Variants in SYTL4 observed in about 807,000 individuals in gnomAD.
SYTL4 encodes synaptotagmin like 4.
SYTL4 carries 16 observed loss-of-function variants against 52.7 expected under a neutral mutation model. The ratio of observed to expected loss-of-function variants is 0.30; its 90% CI spans 0.21 to 0.46. The LOEUF is 0.46. SYTL4 is among the 20% of genes least tolerant of loss of function. The pLI, the probability that SYTL4 is intolerant of heterozygous loss-of-function variation, is 1.00. For synonymous variants in SYTL4, 160 were observed against 186.6 expected, an observed-to-expected ratio of 0.86 and a Z score of 1.16; for missense variants, 423 against 519.9, an observed-to-expected ratio of 0.81 and a Z score of 1.81.
At chrX:100,721,354 T>A (rs1469266477) in intron 2 of SYTL4, among the ~76,000 whole-genome samples, 1 of 111,412 alleles carries the variant, frequency 9.0e-6, no homozygotes, top group African/African-American at 3.3e-5. Context: ...AAGCTACACA[T>A]ACAGGAATCA....
intron 13 of SYTL4, 131 bp from the exon 14 acceptor site, chrX:100,687,376 G>T (rs2083495260): frequency 1.8e-6 from 1 of 546,725 alleles, no homozygotes; most frequent in Non-Finnish European, 3.0e-6. Context: ...AGCCAGTGCT[G>T]CTGACATTCC....
intron 2 of SYTL4, among the ~76,000 whole-genome samples, chrX:100,725,250 G>A (rs1362623015): frequency 8.9e-6 from 1 of 111,964 alleles, no homozygotes; most frequent in Non-Finnish European, 1.9e-5. Context: ...CCAGGGCTAA[G>A]AGAGAAAGGA....
intron 12 of SYTL4, among the ~76,000 whole-genome samples, chrX:100,688,825 A>G (rs1259142824): frequency 9.1e-6 from 1 of 109,472 alleles, no homozygotes; most frequent in Non-Finnish European, 1.9e-5. Context: ...TCGGCCTCCC[A>G]AAGTGCTGAG....
chrX:100,701,213 C>A lies in SYTL4; in HGVS notation c.436+7G>T. On this transcript the variant is annotated splice_region_variant and intron_variant, in intron 7 of 19. Transcript: ENST00000372989. ...TACCAAGAACCATCTCTAGACAGGT[C>A]CAGTACCTGCAGGTTTGTGGCGCAG... 8.4e-7 allele frequency: 1 copy of A among 1,193,120 alleles called. No individual in the cohort carries two copies. The highest frequency in any genetic ancestry group is 1.8e-5 in the South Asian group (1 of 56,095).
chrX:100,726,443 A>AGGGGCTCTCTCAGTC (rs1243253810), intron 2 of SYTL4, among the ~76,000 whole-genome samples: 1 of 109,990 alleles, frequency 9.1e-6, no homozygotes, highest in Admixed American at 9.7e-5. Context: ...TTGGGGGCGG[A>AGGGGCTCTCTCAGTC]GGGGCTCTCT....
At chrX:100,690,296 T>A (rs2083568644) in intron 10 of SYTL4, 131 bp from the exon 11 acceptor site, 1 of 501,122 alleles carries the variant, frequency 2.0e-6, no homozygotes. Flanking sequence ...AAAGGAAAGA[T>A]TAAATGCCTA....
intron 12 of SYTL4, 42 bp from the exon 13 acceptor site, chrX:100,688,485 C>A: frequency 1.9e-6 from 2 of 1,077,314 alleles, no homozygotes; most frequent in East Asian, 3.2e-5. Context: ...AAAAGAAAGA[C>A]TTTTCTTTAG....
Position 100,688,394 on chromosome X carries a change from C to T in SYTL4, c.962G>A (p.Arg321His), listed in dbSNP as rs775314066. 34 of 1,210,398 alleles carry T rather than the reference C, an allele frequency of 2.8e-5. 1 individual carries two copies. In the South Asian group the frequency reaches 4.6e-4, roughly 16 times the overall value. ...CATGCTGCTTCTGGCTAGCTTCTGG[C>T]GATGTAACTTCACTAGGTGGTCAAT... is the stretch of plus-strand genomic sequence containing the variant. The part of the protein sequence containing the change: ...EDIDHLVKLH[R>H]QKLARSSMQS... The change falls in exon 13 of 20, where the codon CGC becomes CAC. Residue 321 changes from arginine (R) to histidine (H), a missense_variant. Physicochemically the swap from Arg to His is conservative, Grantham distance 29 (BLOSUM62 0). Transcript: ENST00000372989.
Position 100,696,190 on chromosome X carries a change from TTGAG to T in SYTL4, c.539+4703_539+4706del, listed in dbSNP as rs768116616. On this transcript the variant is annotated intron_variant, in intron 8 of 19. Coordinates refer to ENST00000372989, the MANE Select transcript of SYTL4 (RefSeq NM_001370165.1). The stretch of plus-strand genomic sequence containing the variant: ...GTACAAACATACGTTTTCCCTTCTC[TTGAG>T]TAAGTACCCAGGAATGAAATGACTT... Among the ~76,000 whole-genome samples the T allele has an allele frequency of 1.1e-3, 120 of 111,888 alleles. 1 individual carries two copies. The highest frequency in any genetic ancestry group is 2.0e-3 in the Non-Finnish European group (108 of 53,139).
chrX:100,723,104 C>T (rs1306770562), intron 2 of SYTL4, among the ~76,000 whole-genome samples: 2 of 110,712 alleles, frequency 1.8e-5, no homozygotes, highest in Non-Finnish European at 3.8e-5. Context: ...AGTTATTGTA[C>T]ACACATATTA....
intron 8 of SYTL4, among the ~76,000 whole-genome samples, chrX:100,694,633 G>C (rs1051226051): frequency 3.6e-5 from 4 of 111,367 alleles, no homozygotes; most frequent in African/African-American, 1.3e-4. Flanking sequence ...ACATTTACTT[G>C]ACTATCTTTT....
At chrX:100,712,223 G>T (rs1463107219) in intron 2 of SYTL4, among the ~76,000 whole-genome samples, 2 of 111,759 alleles carry the variant, frequency 1.8e-5, no homozygotes, top group African/African-American at 6.5e-5. Context: ...ACATGCAATG[G>T]TAACAATGTA....
intron 2 of SYTL4, among the ~76,000 whole-genome samples, chrX:100,730,756 G>T (rs573620398): frequency 2.7e-5 from 3 of 111,429 alleles, no homozygotes; most frequent in African/African-American, 9.8e-5. Flanking sequence ...CCCAAAAAGG[G>T]CCTCACAAGC....
intron 8 of SYTL4, among the ~76,000 whole-genome samples, chrX:100,698,184 G>A: frequency 9.0e-6 from 1 of 110,515 alleles, no homozygotes; most frequent in Non-Finnish European, 1.9e-5. Flanking sequence ...CTCAGTGCAA[G>A]CTCCGCCTCC....
At chrX:100,729,372 G>A (rs1338680078) in intron 2 of SYTL4, among the ~76,000 whole-genome samples, 1 of 111,456 alleles carries the variant, frequency 9.0e-6, no homozygotes, top group Non-Finnish European at 1.9e-5. Flanking sequence ...TGTTATGGTG[G>A]GTGAGGGAGT....
intron 5 of SYTL4, 87 bp downstream of exon 5, chrX:100,701,841 T>C: frequency 1.2e-6 from 1 of 860,835 alleles, no homozygotes. Flanking sequence ...TACAAATTCC[T>C]ATGAAAGTCA....
chrX:100,696,118 G>T (rs964355829), intron 8 of SYTL4, among the ~76,000 whole-genome samples: 1 of 111,841 alleles, frequency 8.9e-6, no homozygotes, highest in South Asian at 3.7e-4. Context: ...TTCCAGGGTT[G>T]GGCTATTACA....
At chrX:100,678,815 A>C (rs1371398347) in intron 18 of SYTL4, 1 of 405,990 alleles carries the variant, frequency 2.5e-6, no homozygotes. Flanking sequence ...GAGAAAATGA[A>C]TATAATAGTA....
At chrX:100,719,445 C>T (rs1026421966) in intron 2 of SYTL4, among the ~76,000 whole-genome samples, 1 of 111,182 alleles carries the variant, frequency 9.0e-6, no homozygotes, top group African/African-American at 3.3e-5. Context: ...GAAAAGGGAA[C>T]ATCAACCTCA....
Sources: allele counts gnomAD v4.1 joint callset (sites outside exome capture counted in the v4.1 genomes callset), GRCh38; gene constraint gnomAD v4.1.1; transcripts MANE v1.5; gene names NCBI Gene and HGNC (gene_info 2026-07-23, HGNC 2026-07-21).